The following PTPRB variants were observed in gnomAD, a reference collection of about 807,000 sequenced individuals.
PTPRB encodes protein tyrosine phosphatase receptor type B.
Under a neutral mutation model 238.1 loss-of-function variants are expected in PTPRB, and 97 were observed. The ratio of observed to expected loss-of-function variants is 0.41; its 90% CI spans 0.35 to 0.48. The LOEUF is 0.48. Among genes scored for constraint, PTPRB ranks in the 20% least tolerant of loss-of-function variants. The probability of loss-of-function intolerance (pLI) is 0.30; values close to 1 mark genes in which losing one functional copy is unlikely to be tolerated. For missense variants in PTPRB, 2,292 were observed against 2,681.9 expected (o/e 0.85, Z 3.21); for synonymous variants, 970 against 995.4 (o/e 0.97, Z 0.48).
At chr12:70,532,238 A>C in intron 31 of PTPRB, 68 bp from the exon 32 acceptor site, 3 of 1,459,226 alleles carry the variant, frequency 2.1e-6, no homozygotes, top group Non-Finnish European at 2.7e-6. Flanking sequence ...GCATCTAGAG[A>C]CTCTGGCACA....
intron 9 of PTPRB, 52 bp from the exon 10 acceptor site, chr12:70,581,354 A>T: frequency 6.6e-7 from 1 of 1,519,212 alleles, no homozygotes; most frequent in Non-Finnish European, 8.8e-7. Context: ...ACCTTAAGAA[A>T]GTGTAAGAAA....
intron 7 of PTPRB, among the ~76,000 whole-genome samples, chr12:70,591,495 G>C (rs1565986955): frequency 6.6e-6 from 1 of 152,058 alleles, no homozygotes; most frequent in Non-Finnish European, 1.5e-5. Context: ...ATGAAATAAT[G>C]GATATAAATT....
chr12:70,523,508 A>G (rs1871912611), intron 33 of PTPRB, among the ~76,000 whole-genome samples: 1 of 152,150 alleles, frequency 6.6e-6, no homozygotes, highest in Non-Finnish European at 1.5e-5. Flanking sequence ...TTCCAAAGGG[A>G]TTTTACAATT....
chr12:70,565,295 C>T (rs11178292), intron 15 of PTPRB, among the ~76,000 whole-genome samples: 25,370 of 152,188 alleles, frequency 0.17, 2,140 homozygotes, highest in Middle Eastern at 0.21. Context: ...CTACCAGGCA[C>T]CCTCTAATTT....
chr12:70,536,852 G>A (rs1328553367), intron 28 of PTPRB, among the ~76,000 whole-genome samples: 1 of 152,170 alleles, frequency 6.6e-6, no homozygotes, highest in Non-Finnish European at 1.5e-5. Flanking sequence ...TCAGCATGGT[G>A]CCTGCTTGGC....
At chr12:70,580,944 T>C in intron 10 of PTPRB, 92 bp downstream of exon 10, 1 of 1,401,086 alleles carries the variant, frequency 7.1e-7, no homozygotes. Context: ...CAGGGATGAG[T>C]CTGATTTTAG....
At chr12:70,539,477 A>G in intron 26 of PTPRB, 148 bp downstream of exon 26, 1 of 655,568 alleles carries the variant, frequency 1.5e-6, no homozygotes, top group Non-Finnish European at 2.6e-6. Context: ...TTCAGGGCAT[A>G]GTTTAGGCAT....
At chr12:70,617,725 C>T (rs1453989713) in intron 3 of PTPRB, among the ~76,000 whole-genome samples, 2 of 152,158 alleles carry the variant, frequency 1.3e-5, no homozygotes, top group Non-Finnish European at 1.5e-5. Context: ...TCTGGAGACT[C>T]ACACTGGGCT....
intron 4 of PTPRB, among the ~76,000 whole-genome samples, chr12:70,601,790 CTTTTT>C (rs200227553): frequency 0.19 from 24,083 of 127,212 alleles, 1,948 homozygotes; most frequent in East Asian, 0.27. Flanking sequence ...TTTCTTTTTT[CTTTTT>C]TTTTTTTTTT....
chr12:70,540,688 G>C (rs1402438999), intron 23 of PTPRB, 170 bp downstream of exon 23: 5 of 601,804 alleles, frequency 8.3e-6, no homozygotes. Context: ...AAAGAGCTGA[G>C]AAAAGTGAGT....
chr12:70,600,990 C>A (rs1284900855), intron 4 of PTPRB, among the ~76,000 whole-genome samples: 1 of 152,102 alleles, frequency 6.6e-6, no homozygotes, highest in Non-Finnish European at 1.5e-5. Context: ...GCCTCAGCCT[C>A]CTGAGTAGCT....
At chr12:70,622,253 A>G (rs1884972328) in intron 3 of PTPRB, 137 bp downstream of exon 3, 11 of 1,284,214 alleles carry the variant, frequency 8.6e-6, no homozygotes, top group Non-Finnish European at 1.1e-5. Context: ...TTCCTGTACA[A>G]TTAGCAGCCA....
In PTPRB at chr12:70,592,511, A is replaced by G; in HGVS notation, c.1551T>C (p.Asn517=). The G allele has an allele frequency of 6.2e-7, 1 of 1,613,844 alleles. No homozygotes were observed. Among genetic ancestry groups the G allele is most frequent in the African/African-American group, 1.3e-5 (1 of 75,018 alleles). The change falls in exon 7 of 34, where the codon AAT becomes AAC. Residue 517 remains asparagine, a synonymous_variant. Coordinates refer to ENST00000334414, the MANE Select transcript of PTPRB (RefSeq NM_001109754.4). ...CTTTTAGAGAGGTCAAACTGCCATC[A>G]TTTGTCACCTTCAGATTTGAGACTT... The part of the protein sequence containing the change: ...PMEVSNLKVT[N]DGSLTSLKVK...
At chr12:70,623,632 A>G (rs536715549) in intron 2 of PTPRB, among the ~76,000 whole-genome samples, 5 of 152,196 alleles carry the variant, frequency 3.3e-5, no homozygotes, top group Non-Finnish European at 4.4e-5. Context: ...CTAGAGTTTT[A>G]TGGGATAGAA....
chr12:70,535,829 A>T (rs1874043766), intron 29 of PTPRB, among the ~76,000 whole-genome samples, 196 bp downstream of exon 29: 1 of 152,184 alleles, frequency 6.6e-6, no homozygotes, highest in South Asian at 2.1e-4. Flanking sequence ...TTTGACTGGA[A>T]CTTCAGACCC....
At chr12:70,578,170 T>C (rs765912022) in intron 10 of PTPRB, among the ~76,000 whole-genome samples, 5 of 152,244 alleles carry the variant, frequency 3.3e-5, no homozygotes, top group Admixed American at 6.5e-5. Context: ...GTTAAGTATA[T>C]CTAATATCTT....
intron 32 of PTPRB, among the ~76,000 whole-genome samples, chr12:70,525,705 A>C (rs1872328603): frequency 6.6e-6 from 1 of 152,136 alleles, no homozygotes; most frequent in Non-Finnish European, 1.5e-5. Flanking sequence ...GTTCTCTTAT[A>C]AGGAAATTGA....
chr12:70,566,160 G>A (rs1879267361), intron 15 of PTPRB, among the ~76,000 whole-genome samples: 1 of 152,134 alleles, frequency 6.6e-6, no homozygotes, highest in South Asian at 2.1e-4. Flanking sequence ...AATTTGGGTG[G>A]TATTAAGCCA....
intron 22 of PTPRB, 132 bp downstream of exon 22, chr12:70,544,425 T>G: frequency 1.5e-6 from 1 of 649,818 alleles, no homozygotes. Flanking sequence ...TCCACATCAA[T>G]TTTTGGTCAC....
Sources: allele counts gnomAD v4.1 joint callset (sites outside exome capture counted in the v4.1 genomes callset), GRCh38; gene constraint gnomAD v4.1.1; transcripts MANE v1.5; gene names NCBI Gene and HGNC (gene_info 2026-07-23, HGNC 2026-07-21).